The following CACNA2D3 variants were observed in gnomAD, a reference collection of about 807,000 sequenced individuals.
CACNA2D3 encodes calcium voltage-gated channel auxiliary subunit alpha2delta 3, also known as voltage-dependent calcium channel subunit alpha-2/delta-3.
Under a neutral mutation model 160.6 loss-of-function variants are expected in CACNA2D3, and 60 were observed. The ratio of observed to expected loss-of-function variants is 0.37; its 90% CI spans 0.30 to 0.46. The LOEUF is 0.46. Ranked by LOEUF, CACNA2D3 falls within the 20% of genes least tolerant of loss-of-function variation. The probability of loss-of-function intolerance (pLI) is 1.00; values close to 1 mark genes in which losing one functional copy is unlikely to be tolerated. For synonymous variants in CACNA2D3, 558 were observed against 492.9 expected, an observed-to-expected ratio of 1.13 and a Z score of -1.75; for missense variants, 1,205 against 1,365.0, an observed-to-expected ratio of 0.88 and a Z score of 1.85.
intron 10 of CACNA2D3, chr3:54,638,629 G>T (rs1699433083): frequency 1.3e-5 from 2 of 151,900 alleles, no homozygotes; most frequent in Admixed American, 1.3e-4. Context: ...GGGACAGGCG[G>T]GAGGGAAAGA....
intron 5 of CACNA2D3, among the ~76,000 whole-genome samples, chr3:54,507,600 A>G (rs1433629123): frequency 6.6e-6 from 1 of 152,180 alleles, no homozygotes; most frequent in African/African-American, 2.4e-5. Flanking sequence ...CATGGTTCTT[A>G]TAAGCAACAG....
chr3:54,647,633 T>G (rs541466234), intron 11 of CACNA2D3, among the ~76,000 whole-genome samples: 1 of 152,244 alleles, frequency 6.6e-6, no homozygotes, highest in South Asian at 2.1e-4. Context: ...CAGAAGGAAG[T>G]TGGGGAACAG....
chr3:54,867,664 T>A (rs1481420966), intron 17 of CACNA2D3, among the ~76,000 whole-genome samples: 1 of 152,132 alleles, frequency 6.6e-6, no homozygotes, highest in Admixed American at 6.5e-5. Flanking sequence ...TCTTCATATC[T>A]TTTCTCTGCT....
At chr3:54,955,323 C>G (rs1701859853) in intron 27 of CACNA2D3, among the ~76,000 whole-genome samples, 1 of 152,116 alleles carries the variant, frequency 6.6e-6, no homozygotes, top group African/African-American at 2.4e-5. Flanking sequence ...CTTGAAGCTA[C>G]TCTCAGAAGA....
chr3:54,809,438 C>A (rs188586180), intron 13 of CACNA2D3, among the ~76,000 whole-genome samples: 6,718 of 143,116 alleles, frequency 0.047, 251 homozygotes, highest in South Asian at 0.071. Flanking sequence ...CCTGCCTCAG[C>A]CTCCCGAGTA....
At chr3:54,606,157 T>C (rs1026647600) in intron 9 of CACNA2D3, among the ~76,000 whole-genome samples, 2 of 152,114 alleles carry the variant, frequency 1.3e-5, no homozygotes, top group Non-Finnish European at 2.9e-5. Context: ...TATATATATA[T>C]ATATTTCATT....
At chr3:54,650,877 T>C (rs1204957066) in intron 11 of CACNA2D3, among the ~76,000 whole-genome samples, 2 of 152,218 alleles carry the variant, frequency 1.3e-5, no homozygotes, top group Non-Finnish European at 2.9e-5. Context: ...TAATTCCTAC[T>C]GAATGCTGAG....
intron 3 of CACNA2D3, among the ~76,000 whole-genome samples, chr3:54,382,973 C>A (rs560590108): frequency 1.3e-5 from 2 of 152,060 alleles, no homozygotes; most frequent in African/African-American, 4.8e-5. Context: ...TGAGTTTCAC[C>A]GCTAGCTGGG....
intron 35 of CACNA2D3, among the ~76,000 whole-genome samples, chr3:55,052,456 G>A (rs969825447): frequency 1.5e-4 from 23 of 149,780 alleles, no homozygotes; most frequent in African/African-American, 5.4e-4. Context: ...ACCTGTGTGT[G>A]TATATATATA....
chr3:54,490,308 C>T (rs1172773852), intron 4 of CACNA2D3, among the ~76,000 whole-genome samples: 1 of 129,528 alleles, frequency 7.7e-6, no homozygotes, highest in African/African-American at 3.0e-5. Flanking sequence ...CGAGACTCAG[C>T]AGTAAGCACC....
chr3:54,355,467 A>AG (rs1337671463), intron 3 of CACNA2D3, among the ~76,000 whole-genome samples: 2 of 151,842 alleles, frequency 1.3e-5, no homozygotes, highest in Non-Finnish European at 2.9e-5. Flanking sequence ...AGATGGAGAG[A>AG]GGTATGGTCA....
intron 13 of CACNA2D3, among the ~76,000 whole-genome samples, chr3:54,788,465 G>T (rs1702683029): frequency 6.6e-6 from 1 of 152,140 alleles, no homozygotes; most frequent in South Asian, 2.1e-4. Context: ...CTTCCTCTTA[G>T]TATCCATTCA....
chr3:54,282,277 A>G (rs1055165830), intron 2 of CACNA2D3, among the ~76,000 whole-genome samples: 4 of 152,348 alleles, frequency 2.6e-5, no homozygotes, highest in African/African-American at 7.2e-5. Flanking sequence ...ATGAATATTT[A>G]TTAGTTTTTT....
intron 5 of CACNA2D3, among the ~76,000 whole-genome samples, chr3:54,510,474 A>G (rs552902842): frequency 1.3e-5 from 2 of 152,324 alleles, no homozygotes; most frequent in African/African-American, 4.8e-5. Flanking sequence ...GCATCACTTT[A>G]GGTACAGGTG....
chr3:54,317,629 C>T (rs1382702018), intron 2 of CACNA2D3, among the ~76,000 whole-genome samples: 2 of 152,104 alleles, frequency 1.3e-5, no homozygotes, highest in Admixed American at 6.5e-5. Flanking sequence ...TATCCGCCTC[C>T]CAGGTTGAAG....
At chr3:54,253,107 CT>C (rs34188932) in intron 2 of CACNA2D3, among the ~76,000 whole-genome samples, 60,553 of 138,344 alleles carry the variant, frequency 0.44, 12,098 homozygotes, top group Middle Eastern at 0.49. Flanking sequence ...TTAACCAACT[CT>C]TTTTTTTTTT....
At chr3:54,884,736 A>G (rs1699883600) in intron 21 of CACNA2D3, among the ~76,000 whole-genome samples, 1 of 152,178 alleles carries the variant, frequency 6.6e-6, no homozygotes, top group African/African-American at 2.4e-5. Context: ...ATCCTGTAAC[A>G]ACTAGCAATC....
intron 13 of CACNA2D3, among the ~76,000 whole-genome samples, chr3:54,811,520 C>T (rs796703605): frequency 1.8e-5 from 2 of 111,060 alleles, no homozygotes; most frequent in African/African-American, 3.3e-5. Flanking sequence ...TTTTTTGAGA[C>T]AGCATCTCAC....
chr3:54,527,527 G>A (rs755719722), intron 5 of CACNA2D3, among the ~76,000 whole-genome samples: 45 of 152,106 alleles, frequency 3.0e-4, no homozygotes, highest in Admixed American at 2.7e-3. Context: ...AGTGTGGAGC[G>A]TTCGCCTTTC....
Sources: gnomAD v4.1 joint callset for allele counts (sites outside exome capture counted in the v4.1 genomes callset) on GRCh38, gnomAD v4.1.1 for gene constraint, MANE v1.5 for transcripts, NCBI Gene and HGNC (gene_info 2026-07-23, HGNC 2026-07-21) for gene names.